Variants in PPP1R12A observed in about 807,000 individuals in gnomAD.
PPP1R12A encodes the protein protein phosphatase 1 regulatory subunit 12A.
A neutral mutation model predicts 139.6 loss-of-function variants in PPP1R12A; 19 were observed. That is an observed-to-expected ratio of 0.14 (90% CI 0.09 to 0.20). The LOEUF is 0.20. Among genes scored for constraint, PPP1R12A ranks in the 10% least tolerant of loss-of-function variants. PPP1R12A has a pLI of 1.00. For missense variants in PPP1R12A, 925 were observed against 1,211.5 expected (o/e 0.76, Z 3.51); for synonymous variants, 427 against 420.6 (o/e 1.02, Z -0.19).
At chr12:79,805,876 A>C (rs1362438114) in intron 13 of PPP1R12A, 108 bp from the exon 14 acceptor site, 1 of 1,217,976 alleles carries the variant, frequency 8.2e-7, no homozygotes, top group African/African-American at 1.5e-5. Flanking sequence ...GGATTTTTTT[A>C]AAACGCAAGG....
rs562546007 is a variant in PPP1R12A, at chr12:79,845,518, A to C, written c.369-98T>G. On this transcript the variant is annotated intron_variant, in intron 2 of 24. Coordinates refer to ENST00000450142, the MANE Select transcript of PPP1R12A (RefSeq NM_002480.3). ...AGGAAAGTTCCTATATAAAGCAGCA[A>C]TAAAGGGCAGTATATACATTATTTA... 49 of 842,018 alleles carry C rather than the reference A, an allele frequency of 5.8e-5. No individual in the cohort carries two copies. In the East Asian group the frequency reaches 1.1e-3, roughly 19 times the overall value. The allele number at this position is 842,018 out of a possible 1,614,324, so 52.2% of individuals were successfully genotyped here. A position where few individuals can be genotyped will look rare whatever the true frequency, so the allele number is the denominator to read the frequency against.
chr12:79,807,270 A>C lies in PPP1R12A; in HGVS notation c.1611T>G (p.Leu537=). The stretch of plus-strand genomic sequence containing the variant: ...CTTCATTAACTGAGCTATTTTTTTT[A>C]AGATCATCTTCCCATTTTCTCCTTG... ...SYTRRKWEDD[L]KKNSSVNEGS... The change falls in exon 12 of 25, where the codon CTT becomes CTG. Residue 537 remains leucine, a synonymous_variant. Transcript: ENST00000450142. 2 of 1,555,196 alleles carry C rather than the reference A, an allele frequency of 1.3e-6. No homozygotes were observed. The highest frequency in any genetic ancestry group is 1.7e-6 in the Non-Finnish European group (2 of 1,148,290).
intron 1 of PPP1R12A, among the ~76,000 whole-genome samples, chr12:79,891,837 A>C (rs1460770652): frequency 6.6e-6 from 1 of 152,216 alleles, no homozygotes; most frequent in East Asian, 1.9e-4. Flanking sequence ...GTGGCAAGGA[A>C]GCAAGGCCTG....
At chr12:79,861,092 A>G (rs1472530518) in intron 2 of PPP1R12A, among the ~76,000 whole-genome samples, 1 of 152,032 alleles carries the variant, frequency 6.6e-6, no homozygotes, top group Non-Finnish European at 1.5e-5. Flanking sequence ...AGCCATCCTA[A>G]GGAACAGGGT....
intron 20 of PPP1R12A, 133 bp downstream of exon 20, chr12:79,790,334 A>C: frequency 1.8e-6 from 1 of 543,654 alleles, no homozygotes; most frequent in Non-Finnish European, 3.1e-6. Flanking sequence ...TAACAATGAT[A>C]AGGCCATCAA....
At chr12:79,812,741 T>C (rs1343602460) in intron 9 of PPP1R12A, among the ~76,000 whole-genome samples, 1 of 152,126 alleles carries the variant, frequency 6.6e-6, no homozygotes, top group Non-Finnish European at 1.5e-5. Context: ...TCAGTATGTC[T>C]AAAATAAAAC....
chr12:79,844,108 T>A (rs1294833834), intron 3 of PPP1R12A, among the ~76,000 whole-genome samples: 1 of 152,182 alleles, frequency 6.6e-6, no homozygotes, highest in Non-Finnish European at 1.5e-5. Flanking sequence ...TTCAATGGTT[T>A]TTTTTTAGTA....
intron 1 of PPP1R12A, among the ~76,000 whole-genome samples, chr12:79,934,063 C>G (rs1182638400): frequency 1.3e-5 from 2 of 152,046 alleles, no homozygotes; most frequent in African/African-American, 4.8e-5. Flanking sequence ...CCACTTCCAT[C>G]CCCTTCCTTT....
chr12:79,828,717 T>C (rs1275797724), intron 4 of PPP1R12A, among the ~76,000 whole-genome samples: 2 of 152,106 alleles, frequency 1.3e-5, no homozygotes, highest in Non-Finnish European at 2.9e-5. Context: ...AGTCTTATGG[T>C]TTGGTGTGAC....
At chr12:79,797,103 A>G in intron 16 of PPP1R12A, 92 bp downstream of exon 16, 1 of 1,349,998 alleles carries the variant, frequency 7.4e-7, no homozygotes, top group Non-Finnish European at 1.0e-6. Context: ...TATTTTGCAT[A>G]TGGTTTGTTG....
intron 4 of PPP1R12A, among the ~76,000 whole-genome samples, chr12:79,829,575 G>A (rs1877178043): frequency 6.6e-6 from 1 of 151,870 alleles, no homozygotes; most frequent in Non-Finnish European, 1.5e-5. Flanking sequence ...TCCCCCATAT[G>A]ATTTTCATAT....
intron 8 of PPP1R12A, among the ~76,000 whole-genome samples, chr12:79,820,110 T>C (rs1350959951): frequency 1.3e-5 from 2 of 151,988 alleles, no homozygotes; most frequent in African/African-American, 2.4e-5. Context: ...AAAAATGAAC[T>C]AGAAGATTAC....
intron 14 of PPP1R12A, 84 bp downstream of exon 14, chr12:79,805,508 C>A: frequency 7.5e-7 from 1 of 1,326,326 alleles, no homozygotes; most frequent in South Asian, 1.5e-5. Flanking sequence ...TGGCCATCAA[C>A]CTCACAAGAT....
intron 22 of PPP1R12A, chr12:79,782,644 A>G (rs1024610253): frequency 7.1e-6 from 3 of 423,362 alleles, no homozygotes; most frequent in African/African-American, 6.3e-5. Flanking sequence ...AAAAAAGAAA[A>G]AAAAAGAAAA....
chr12:79,789,936 T>G (rs1041999672), intron 20 of PPP1R12A, among the ~76,000 whole-genome samples: 2 of 151,756 alleles, frequency 1.3e-5, no homozygotes, highest in African/African-American at 2.4e-5. Context: ...CATACAGTTA[T>G]GCCTGGATAA....
chr12:79,833,112 A>C (rs995342490), intron 3 of PPP1R12A, among the ~76,000 whole-genome samples: 1 of 152,146 alleles, frequency 6.6e-6, no homozygotes, highest in Non-Finnish European at 1.5e-5. Context: ...TGAGGTGATA[A>C]AAGTGGAAAG....
At chr12:79,793,755 T>G (rs773152931) in intron 19 of PPP1R12A, 108 bp downstream of exon 19, 1 of 771,132 alleles carries the variant, frequency 1.3e-6, no homozygotes, top group Non-Finnish European at 2.1e-6. Flanking sequence ...AGCATGTAGG[T>G]AGAGTATGCA....
intron 1 of PPP1R12A, among the ~76,000 whole-genome samples, chr12:79,916,208 T>C (rs1886985035): frequency 2.6e-5 from 4 of 151,962 alleles, no homozygotes; most frequent in South Asian, 2.1e-4. Flanking sequence ...CAAATGTGTA[T>C]GTAAATTAAA....
At chr12:79,896,724 G>A (rs1885168492) in intron 1 of PPP1R12A, among the ~76,000 whole-genome samples, 1 of 152,148 alleles carries the variant, frequency 6.6e-6, no homozygotes, top group Non-Finnish European at 1.5e-5. Flanking sequence ...CCCACTTATT[G>A]CAAAGATGAT....
Sources: gnomAD v4.1 joint callset for allele counts (sites outside exome capture counted in the v4.1 genomes callset) on GRCh38, gnomAD v4.1.1 for gene constraint, MANE v1.5 for transcripts, NCBI Gene and HGNC (gene_info 2026-07-23, HGNC 2026-07-21) for gene names.